The following PIGN variants were observed in gnomAD, a reference collection of about 807,000 sequenced individuals.
PIGN encodes GPI ethanolamine phosphate transferase 1.
PIGN carries 117 observed loss-of-function variants against 125.4 expected under a neutral mutation model. The ratio of observed to expected loss-of-function variants is 0.93; its 90% CI spans 0.80 to 1.09. The LOEUF (loss-of-function observed/expected upper bound fraction) is 1.09. PIGN is among the 50% of genes least tolerant of loss of function. The probability of loss-of-function intolerance (pLI) is 0.00; values close to 1 mark genes in which losing one functional copy is unlikely to be tolerated. For synonymous variants in PIGN, 392 were observed against 377.8 expected (o/e 1.04, Z -0.44); for missense variants, 1,075 against 1,094.9 (o/e 0.98, Z 0.26).
intron 1 of PIGN, among the ~76,000 whole-genome samples, chr18:62,180,897 T>C (rs956369929): frequency 1.8e-4 from 27 of 152,320 alleles, no homozygotes; most frequent in African/African-American, 5.5e-4. Context: ...TCTTGTACTA[T>C]AGAAGAAAAC....
In PIGN at chr18:62,161,091, T is replaced by A. The variant is rs570146680; in HGVS notation, c.221+42A>T. 2.3e-6 allele frequency: 3 copies of A among 1,327,568 alleles called. No individual in the cohort carries two copies. The Admixed American group carries it at 5.5e-5, about 24-fold the overall frequency. 82.2% of individuals were successfully genotyped at this position (1,327,568 alleles called of 1,614,324 possible). A position where few individuals can be genotyped will look rare whatever the true frequency, so the allele number is the denominator to read the frequency against. On this transcript the variant is annotated intron_variant, in intron 4 of 30. Transcript: ENST00000640252. ...ATTTTGCAGTTTACTTAACTCAGAA[T>A]AACATTTTAAGAGATGTCTCTGTAT...
At chr18:62,101,273 A>G in intron 21 of PIGN, 90 bp from the exon 22 acceptor site, 1 of 746,860 alleles carries the variant, frequency 1.3e-6, no homozygotes, top group Non-Finnish European at 2.3e-6. Flanking sequence ...TTTCTGAGAC[A>G]TTAAAATGTG....
chr18:62,049,640 G>T (rs7505152), intron 30 of PIGN, among the ~76,000 whole-genome samples: 42,237 of 137,436 alleles, frequency 0.31, 7,235 homozygotes, highest in East Asian at 0.66. Context: ...TTTCTCCCAT[G>T]TTGTAGGTTG....
chr18:62,146,686 T>C (rs956214840), intron 9 of PIGN, among the ~76,000 whole-genome samples: 2 of 152,206 alleles, frequency 1.3e-5, no homozygotes, highest in South Asian at 4.1e-4. Context: ...TTTGCCATCA[T>C]ATACAGTTAA....
chr18:62,147,102 C>G lies in PIGN; in HGVS notation c.675-1G>C, dbSNP rs766732875. On this transcript the variant is annotated splice_acceptor_variant, in intron 8 of 30. Transcript: ENST00000640252. LOFTEE classifies it high-confidence loss of function. The stretch of plus-strand genomic sequence containing the variant: ...TTTTTTAATATTGTGCTTGTAGTCT[C>G]TATTTGTAAAGAAACAGAGGAACAA... 5 of 1,592,506 alleles carry G rather than the reference C, an allele frequency of 3.1e-6. No homozygotes were observed. The highest frequency in any genetic ancestry group is 1.7e-5 in the Admixed American group (1 of 58,088).
intron 1 of PIGN, among the ~76,000 whole-genome samples, chr18:62,185,338 T>C (rs2037865469): frequency 6.6e-6 from 1 of 152,174 alleles, no homozygotes; most frequent in Non-Finnish European, 1.5e-5. Context: ...TTTTAATATA[T>C]GGCACAGAAA....
At chr18:62,079,317 C>T (rs1484288269) in intron 28 of PIGN, among the ~76,000 whole-genome samples, 1 of 152,164 alleles carries the variant, frequency 6.6e-6, no homozygotes, top group East Asian at 1.9e-4. Flanking sequence ...TTTGTCTCCC[C>T]AGGTAGACAG....
At chr18:62,088,360 A>C (rs1458756825) in intron 25 of PIGN, 1 of 156,148 alleles carries the variant, frequency 6.4e-6, no homozygotes, top group Non-Finnish European at 1.4e-5. Context: ...ATGTAATGTG[A>C]GTTCAGAATA....
At chr18:62,017,679 A>G (rs1449280381) in exon 24 of PIGN, 1 of 151,718 alleles carries the variant, frequency 6.6e-6, no homozygotes, top group Non-Finnish European at 1.5e-5. Context: ...CTTCAGCTCC[A>G]TTTTTGTGAG....
At chr18:62,106,000 A>G (rs577675861) in intron 19 of PIGN, among the ~76,000 whole-genome samples, 1 of 152,334 alleles carries the variant, frequency 6.6e-6, no homozygotes, top group East Asian at 1.9e-4. Flanking sequence ...AGTAAATAAA[A>G]TAACCAGTAT....
intron 23 of PIGN, among the ~76,000 whole-genome samples, chr18:62,018,424 A>G (rs1803008645): frequency 1.3e-5 from 2 of 152,332 alleles, no homozygotes; most frequent in South Asian, 4.1e-4. Context: ...GCTTGGAATT[A>G]TTCTTTTCCT....
chr18:62,077,197 G>A (rs1336459029), intron 28 of PIGN, among the ~76,000 whole-genome samples: 1 of 152,166 alleles, frequency 6.6e-6, no homozygotes, highest in African/African-American at 2.4e-5. Context: ...GGCCAACATG[G>A]CGAAAACCCG....
intron 28 of PIGN, among the ~76,000 whole-genome samples, chr18:62,080,385 C>T (rs180741529): frequency 6.6e-6 from 1 of 152,298 alleles, no homozygotes; most frequent in Non-Finnish European, 1.5e-5. Context: ...GTGAAATGAA[C>T]TGGCCACAAT....
chr18:62,106,380 G>A (rs201000584), intron 19 of PIGN, among the ~76,000 whole-genome samples: 14 of 147,652 alleles, frequency 9.5e-5, no homozygotes, highest in African/African-American at 1.5e-4. Context: ...TACTTATCCA[G>A]AAAAAAAAAA....
chr18:62,111,735 C>T (rs1285965228), intron 16 of PIGN, among the ~76,000 whole-genome samples: 2 of 152,158 alleles, frequency 1.3e-5, no homozygotes, highest in African/African-American at 2.4e-5. Flanking sequence ...AGCTTTAAAG[C>T]TCATCAGCTG....
intron 28 of PIGN, among the ~76,000 whole-genome samples, chr18:62,079,545 G>A (rs1241817313): frequency 1.3e-5 from 2 of 152,076 alleles, no homozygotes; most frequent in African/African-American, 4.8e-5. Context: ...TCTGACCCAG[G>A]AAAAATTAGA....
intron 30 of PIGN, chr18:62,052,024 C>T (rs1347229562): frequency 1.3e-5 from 2 of 152,200 alleles, no homozygotes; most frequent in Non-Finnish European, 2.9e-5. Flanking sequence ...GAGTGAGTTT[C>T]TTAATCCTGA....
intron 25 of PIGN, among the ~76,000 whole-genome samples, chr18:62,086,614 T>G (rs2033716645): frequency 1.9e-5 from 2 of 104,110 alleles, no homozygotes; most frequent in South Asian, 5.0e-4. Context: ...AGACTCCGTT[T>G]TTTGTTTTTT....
intron 9 of PIGN, among the ~76,000 whole-genome samples, chr18:62,146,721 C>T (rs557922491): frequency 6.6e-5 from 10 of 152,194 alleles, no homozygotes; most frequent in Non-Finnish European, 1.3e-4. Flanking sequence ...ATAATAGCTA[C>T]TTTTTATTTT....
Sources: gnomAD v4.1 joint callset for allele counts (sites outside exome capture counted in the v4.1 genomes callset) on GRCh38, gnomAD v4.1.1 for gene constraint, MANE v1.5 for transcripts, NCBI Gene and HGNC (gene_info 2026-07-23, HGNC 2026-07-21) for gene names.